The following PYCR3 variants were observed in gnomAD, a reference collection of about 807,000 sequenced individuals.
PYCR3 encodes P5C reductase 3.
A neutral mutation model predicts 23.4 loss-of-function variants in PYCR3; 26 were observed. The observed-to-expected ratio is 1.11, with a 90% CI of 0.81 to 1.54. The LOEUF is 1.54. PYCR3 is among the 40% of genes most tolerant of loss of function. The pLI is 0.00. For synonymous variants in PYCR3, 194 were observed against 162.6 expected (o/e 1.19, Z -1.47); for missense variants, 360 against 376.3 (o/e 0.96, Z 0.36).
chr8:143,605,440 C>T lies in PYCR3; in HGVS notation c.*260G>A. 2 of 514,272 alleles carry T rather than the reference C, an allele frequency of 3.9e-6. No individual in the cohort carries two copies. Among genetic ancestry groups the T allele is most frequent in the East Asian group, 3.0e-5 (1 of 33,472 alleles). 31.9% of individuals were successfully genotyped at this position (514,272 alleles called of 1,614,324 possible). ...GGGCCCCTCAGAACCAATGTTGCAG[C>T]AAGGTGGGCTCACTGCAGCAAGGGG... On this transcript the variant is annotated 3_prime_UTR_variant, in exon 6 of 6. Coordinates refer to ENST00000495276, the MANE Select transcript of PYCR3 (RefSeq NM_023078.6).
At position 143,605,105 on chromosome 8, in the gene PYCR3, A is replaced by G; in HGVS notation, c.*595T>C. 1 of 364,840 alleles carries G rather than the reference A, an allele frequency of 2.7e-6. No homozygotes were observed. The highest frequency in any genetic ancestry group is 3.6e-5 in the Admixed American group (1 of 27,712). 22.6% of individuals were successfully genotyped at this position (364,840 alleles called of 1,614,324 possible). A position where few individuals can be genotyped will look rare whatever the true frequency, so the allele number is the denominator to read the frequency against. ...TCCTTAGCAGGGGATGAGCACGCCC[A>G]CCACAGCCACCCTCTTCTCCAGGCT... On this transcript the variant is annotated 3_prime_UTR_variant, in exon 6 of 6. Coordinates refer to ENST00000495276, the MANE Select transcript of PYCR3 (RefSeq NM_023078.6).
chr8:143,606,434 G>C, intron 4 of PYCR3, 33 bp downstream of exon 4: 2 of 1,605,230 alleles, frequency 1.2e-6, no homozygotes, highest in Admixed American at 1.7e-5. Flanking sequence ...CTTTGCCGAG[G>C]GTGGGGCCGG....
rs751203747 is a variant in PYCR3, at chr8:143,603,290, T to A, written c.*2410A>T. Reference sequence around the variant, plus strand: ...GCTTGGATCAGGAATACCCCCTAGATTAACAGTTGGGGCATAGGGCATAAA... The same window carrying A: ...GCTTGGATCAGGAATACCCCCTAGAATAACAGTTGGGGCATAGGGCATAAA... On this transcript the variant is annotated 3_prime_UTR_variant, in exon 6 of 6. Transcript: ENST00000495276. 6.6e-6 allele frequency: 1 copy of A among 152,238 alleles called. No homozygotes were observed. The highest frequency in any genetic ancestry group is 1.5e-5 in the Non-Finnish European group (1 of 68,040). 9.4% of individuals were successfully genotyped at this position (152,238 alleles called of 1,614,324 possible).
Position 143,604,820 on chromosome 8 carries a change from C to T in PYCR3, c.*880G>A. Reference sequence around the variant, plus strand: ...GGGGCCAAGTCTTGCCATCAGAGGCCAGTGTGGTGGTGCCAGAGCTACGGG... The same window carrying T: ...GGGGCCAAGTCTTGCCATCAGAGGCTAGTGTGGTGGTGCCAGAGCTACGGG... On this transcript the variant is annotated 3_prime_UTR_variant, in exon 6 of 6. Transcript: ENST00000495276. 2.2e-6 allele frequency: 1 copy of T among 451,304 alleles called. No homozygotes were observed. Among genetic ancestry groups the T allele is most frequent in the Non-Finnish European group, 4.4e-6 (1 of 226,016 alleles). The allele number at this position is 451,304 out of a possible 1,614,324, so 28.0% of individuals were successfully genotyped here.
Position 143,607,115 on chromosome 8 carries a change from G to A in PYCR3, c.174C>T (p.Thr58=). 1 of 1,591,496 alleles carries A rather than the reference G, an allele frequency of 6.3e-7. No individual in the cohort carries two copies. Among genetic ancestry groups the A allele is most frequent in the Non-Finnish European group, 8.6e-7 (1 of 1,169,248 alleles). Residue 58 remains threonine, a synonymous_variant, in exon 3 of 6, where the codon ACC becomes ACT. Transcript: ENST00000495276. Reference sequence around the variant, plus strand: ...GCAGCACCTCCTGGTTGGAGTGCGTGGTCCGGCAACCCAGAGCCTGCGCCA... The same window carrying A: ...GCAGCACCTCCTGGTTGGAGTGCGTAGTCCGGCAACCCAGAGCCTGCGCCA... ...LCHFQALGCR[T]THSNQEVLQS...
Position 143,605,443 on chromosome 8 carries a change from G to A in PYCR3, c.*257C>T, listed in dbSNP as rs918939176. On this transcript the variant is annotated 3_prime_UTR_variant, in exon 6 of 6. Transcript: ENST00000495276. ...CCCCTCAGAACCAATGTTGCAGCAA[G>A]GTGGGCTCACTGCAGCAAGGGGCAG... 1.9e-6 allele frequency: 1 copy of A among 520,184 alleles called. No homozygotes were observed. Among genetic ancestry groups the A allele is most frequent in the African/African-American group, 1.9e-5 (1 of 52,854 alleles). The allele number at this position is 520,184 out of a possible 1,614,324, so 32.2% of individuals were successfully genotyped here.
chr8:143,609,443 C>T lies in PYCR3; in HGVS notation c.91+15G>A, dbSNP rs1225610753. ...TCCCACTCCAGACCGCAGGCCTAGC[C>T]CCGCGCCGCCCCACCTGCTCTGATG... is the stretch of plus-strand genomic sequence containing the variant. On this transcript the variant is annotated intron_variant, in intron 1 of 5. Transcript: ENST00000495276. The T allele has an allele frequency of 1.3e-6, 2 of 1,494,036 alleles. No homozygotes were observed. Among genetic ancestry groups the T allele is most frequent in the Non-Finnish European group, 1.8e-6 (2 of 1,130,536 alleles). The allele number at this position is 1,494,036 out of a possible 1,614,324, so 92.5% of individuals were successfully genotyped here. A position where few individuals can be genotyped will look rare whatever the true frequency, so the allele number is the denominator to read the frequency against.
At chr8:143,608,999 A>T in intron 1 of PYCR3, 1 of 427,922 alleles carries the variant, frequency 2.3e-6, no homozygotes. Context: ...GTGTTTCTCA[A>T]CAGGGGATGA....
chr8:143,608,366 A>T (rs1829458771), intron 1 of PYCR3: 1 of 549,872 alleles, frequency 1.8e-6, no homozygotes, highest in South Asian at 2.1e-5. Flanking sequence ...CCAGGAGCTT[A>T]CCTCATTGGT....
rs767646203 is a variant in PYCR3, at chr8:143,605,882, CCT to C, written c.643-2_643-1del. The C allele has an allele frequency of 1.6e-5, 25 of 1,603,878 alleles. No individual in the cohort carries two copies. The highest frequency in any genetic ancestry group is 1.9e-4 in the Middle Eastern group (1 of 5,284). The stretch of plus-strand genomic sequence containing the variant: ...TCGTGCAGCAGCATCTTGGCCGTCC[CCT>C]GAGGAGAGCGTTAGGGCCTGGTGAC... On this transcript the variant is annotated splice_acceptor_variant, in intron 5 of 5. Coordinates refer to ENST00000495276, the MANE Select transcript of PYCR3 (RefSeq NM_023078.6). LOFTEE classifies it high-confidence loss of function.
At position 143,606,540 on chromosome 8, in the gene PYCR3, C is replaced by T. The variant is rs372658969; in HGVS notation, c.476G>A (p.Cys159Tyr). The T allele has an allele frequency of 5.0e-6, 8 of 1,612,872 alleles. No individual in the cohort carries two copies. The highest frequency in any genetic ancestry group is 3.3e-5 in the Admixed American group (2 of 60,006). Residue 159 changes from cysteine to tyrosine, a missense_variant, in exon 4 of 6, where the codon TGT becomes TAT. By Grantham distance (194) the Cys-to-Tyr change is radical. Coordinates refer to ENST00000495276, the MANE Select transcript of PYCR3 (RefSeq NM_023078.6). ...TTCAGGCACCTCCTCACACCGCCCA[C>T]AGGCCTCCAGCAGATGCTGCAGGAG... ...TKLLQHLLEA[C>Y]GRCEEVPEAY...
chr8:143,605,547 C>T lies in PYCR3; in HGVS notation c.*153G>A. 1.4e-6 allele frequency: 1 copy of T among 731,716 alleles called. No individual in the cohort carries two copies. The highest frequency in any genetic ancestry group is 2.7e-5 in the East Asian group (1 of 36,496). The allele number at this position is 731,716 out of a possible 1,614,324, so 45.3% of individuals were successfully genotyped here. The stretch of plus-strand genomic sequence containing the variant: ...GTCGGGGCTCCCCCGCCTGCTGGAA[C>T]CTCCCAAGTCCTGCCCCCTGCATTT... On this transcript the variant is annotated 3_prime_UTR_variant, in exon 6 of 6. Transcript: ENST00000495276.
At chr8:143,606,268 C>T in intron 4 of PYCR3, 114 bp from the exon 5 acceptor site, 1 of 1,180,948 alleles carries the variant, frequency 8.5e-7, no homozygotes, top group Non-Finnish European at 1.2e-6. Flanking sequence ...AAGGCCTGAG[C>T]CCAACGGTCT....
rs1487854354 is a variant in PYCR3 at position 143,605,088 on chromosome 8, A to G, written c.*612T>C. 2.6e-6 allele frequency: 1 copy of G among 378,336 alleles called. No homozygotes were observed. Among genetic ancestry groups the G allele is most frequent in the Non-Finnish European group, 5.2e-6 (1 of 190,916 alleles). 23.4% of individuals were successfully genotyped at this position (378,336 alleles called of 1,614,324 possible). ...GGCCCAGCAGCTCCTGCTCCTTAGCAGGGGATGAGCACGCCCACCACAGCC... is the reference window on the plus strand; with the variant it reads ...GGCCCAGCAGCTCCTGCTCCTTAGCGGGGGATGAGCACGCCCACCACAGCC... On this transcript the variant is annotated 3_prime_UTR_variant, in exon 6 of 6. Coordinates refer to ENST00000495276, the MANE Select transcript of PYCR3 (RefSeq NM_023078.6).
intron 1 of PYCR3, chr8:143,608,546 G>A (rs1829461858): frequency 3.1e-6 from 1 of 323,070 alleles, no homozygotes; most frequent in Non-Finnish European, 6.0e-6. Flanking sequence ...GAGAGGGAGA[G>A]TCTATGCTGG....
At chr8:143,605,945 C>A in intron 5 of PYCR3, 63 bp from the exon 6 acceptor site, 1 of 1,567,328 alleles carries the variant, frequency 6.4e-7, no homozygotes, top group Admixed American at 1.7e-5. Flanking sequence ...GTGCGGCCTG[C>A]CCTCGTTGCA....
intron 1 of PYCR3, among the ~76,000 whole-genome samples, chr8:143,609,034 C>G (rs1025224152): frequency 1.3e-5 from 2 of 152,244 alleles, no homozygotes; most frequent in Non-Finnish European, 2.9e-5. Context: ...TCCCCCCACC[C>G]AGGGGACATT....
rs1028685025 is a variant in PYCR3 at position 143,609,509 on chromosome 8, C to T, written c.40G>A (p.Val14Met). The change falls in exon 1 of 6, where the codon GTG becomes ATG. Residue 14 changes from valine to methionine, a missense_variant. Transcript: ENST00000495276. Reference protein sequence around the residue: ...AEPSPRRVGFVGAGRMAGAIA... With the variant: ...AEPSPRRVGFMGAGRMAGAIA... ...GCCCCCGCCATGCGGCCCGCGCCCA[C>T]GAAGCCCACGCGCCGCGGAGACGGC... 8.6e-6 allele frequency: 13 copies of T among 1,517,268 alleles called. No individual in the cohort carries two copies. Among genetic ancestry groups the T allele is most frequent in the African/African-American group, 1.4e-5 (1 of 69,448 alleles). 94.0% of individuals were successfully genotyped at this position (1,517,268 alleles called of 1,614,324 possible).
At chr8:143,607,612 G>A (rs1829438505) in intron 2 of PYCR3, among the ~76,000 whole-genome samples, 1 of 151,766 alleles carries the variant, frequency 6.6e-6, no homozygotes, top group Non-Finnish European at 1.5e-5. Context: ...AGGCACACAT[G>A]CACAAGCACA....
Sources: allele counts gnomAD v4.1 joint callset (sites outside exome capture counted in the v4.1 genomes callset), GRCh38; gene constraint gnomAD v4.1.1; transcripts MANE v1.5; gene names NCBI Gene and HGNC (gene_info 2026-07-23, HGNC 2026-07-21).